The following SOHLH1 variants were observed in gnomAD, a reference collection of about 807,000 sequenced individuals.
SOHLH1 encodes spermatogenesis- and oogenesis-specific basic helix-loop-helix-containing protein 1.
In SOHLH1, 23 loss-of-function variants were observed where a neutral mutation model predicts 36.2. The ratio of observed to expected loss-of-function variants is 0.64; its 90% CI spans 0.46 to 0.90. The LOEUF (loss-of-function observed/expected upper bound fraction) is 0.90, where lower values mean the gene tolerates loss of function less well. SOHLH1 is among the 40% of genes least tolerant of loss of function. SOHLH1 has a pLI of 0.00. For synonymous variants in SOHLH1, 289 were observed against 228.3 expected, an observed-to-expected ratio of 1.27 and a Z score of -2.40; for missense variants, 608 against 517.0, an observed-to-expected ratio of 1.18 and a Z score of -1.71.
chr9:135,696,016 TGA>T (rs1463338096), intron 5 of SOHLH1, among the ~76,000 whole-genome samples: 1 of 151,544 alleles, frequency 6.6e-6, no homozygotes, highest in Non-Finnish European at 1.5e-5. Context: ...CACAGGCGGG[TGA>T]GAGAAGCAGG....
At chr9:135,698,608 TG>T (rs1834905190) in intron 2 of SOHLH1, 132 bp from the exon 3 acceptor site, 1 of 1,337,904 alleles carries the variant, frequency 7.5e-7, no homozygotes, top group Non-Finnish European at 1.1e-6. Flanking sequence ...GACTCAGAGC[TG>T]CCCCCGTGGT....
At chr9:135,699,587 T>C (rs1367512414), upstream of SOHLH1, 10 of 1,075,288 alleles carry the variant, frequency 9.3e-6, no homozygotes, top group Non-Finnish European at 1.4e-5. Context: ...CACCCCCACT[T>C]GCAATCCGCC....
Position 135,699,427 on chromosome 9 carries a change from C to G in SOHLH1, c.41G>C (p.Arg14Thr), listed in dbSNP as rs138777693. 15 of 1,612,252 alleles carry G rather than the reference C, an allele frequency of 9.3e-6. No homozygotes were observed. In the African/African-American group the frequency reaches 1.5e-4, roughly 16 times the overall value. The change falls in exon 1 of 8, where the codon AGA becomes ACA. Residue 14 changes from arginine (R) to threonine (T), a missense_variant. Coordinates refer to ENST00000425225, the MANE Select transcript of SOHLH1 (RefSeq NM_001101677.2). Reference sequence around the variant, plus strand: ...CTTGCATCCCCTGACGGTAGGGATTCTGGAGACCTCCGGGTAGGGCTCGGA... The same window carrying G: ...CTTGCATCCCCTGACGGTAGGGATTGTGGAGACCTCCGGGTAGGGCTCGGA... The part of the protein sequence containing the change: ...RCSEPYPEVS[R>T]IPTVRGCNGS...
intron 3 of SOHLH1, 131 bp from the exon 4 acceptor site, chr9:135,697,758 G>GTTCCAAC: frequency 9.0e-7 from 1 of 1,115,272 alleles, no homozygotes; most frequent in South Asian, 1.3e-5. Flanking sequence ...GAACTTGGGG[G>GTTCCAAC]CGAGAGTACA....
chr9:135,697,244 G>A (rs373626265), intron 4 of SOHLH1, among the ~76,000 whole-genome samples: 2 of 152,308 alleles, frequency 1.3e-5, no homozygotes, highest in South Asian at 2.1e-4. Flanking sequence ...AGGAGCAGAA[G>A]AGATCCTCCC....
At chr9:135,700,859 C>T (rs1588237511), upstream of SOHLH1, among the ~76,000 whole-genome samples, 1 of 152,062 alleles carries the variant, frequency 6.6e-6, no homozygotes, top group Non-Finnish European at 1.5e-5. Context: ...GATGGACGGG[C>T]TGGCGATCTG....
At chr9:135,698,973 C>T (rs761965819) in intron 2 of SOHLH1, 22 bp downstream of exon 2, 6 of 1,611,114 alleles carry the variant, frequency 3.7e-6, no homozygotes, top group South Asian at 1.1e-5. Context: ...CGCCCTCACC[C>T]CTGGGAGGCA....
At chr9:135,698,861 GCA>G in intron 2 of SOHLH1, 132 bp downstream of exon 2, 1 of 1,254,350 alleles carries the variant, frequency 8.0e-7, no homozygotes, top group Admixed American at 1.7e-5. Flanking sequence ...TTGGAGATGT[GCA>G]GTCTGTCCTT....
chr9:135,699,053 C>T lies in SOHLH1; in HGVS notation c.139G>A (p.Val47Met). The T allele has an allele frequency of 6.2e-7, 1 of 1,611,332 alleles. No individual in the cohort carries two copies. Among genetic ancestry groups the T allele is most frequent in the Non-Finnish European group, 8.5e-7 (1 of 1,179,690 alleles). ...AGGCAGGAGCTGGGACCCTCGGCCA[C>T]CGTAGGGGCCTTGGGCGGGCCCGAG... The part of the protein sequence containing the change: ...RGSGPPKAPT[V>M]AEGPSSCLRR... The change falls in exon 2 of 8, where the codon GTG (valine) becomes ATG (methionine). Residue 47 changes from valine (V) to methionine (M), a missense_variant. Physicochemically the swap from Val to Met is conservative, Grantham distance 21 (BLOSUM62 1). Coordinates refer to ENST00000425225, the MANE Select transcript of SOHLH1 (RefSeq NM_001101677.2).
chr9:135,696,656 A>G lies in SOHLH1; in HGVS notation c.617T>C (p.Leu206Pro). The G allele has an allele frequency of 6.2e-7, 1 of 1,612,862 alleles. No individual in the cohort carries two copies. The highest frequency in any genetic ancestry group is 8.5e-7 in the Non-Finnish European group (1 of 1,179,878). Residue 206 changes from leucine (L) to proline (P), a missense_variant, in exon 5 of 8, where the codon CTG becomes CCG. Transcript: ENST00000425225. ...ACCCCGCACCTGGCACAGCCCCAAC[A>G]GTGCCTCACACTTGTCCGTGCCCAG... ...TSLGTDKCEA[L>P]LGLCQVRGGL...
chr9:135,699,201 G>A (rs1834936785), intron 1 of SOHLH1, 75 bp from the exon 2 acceptor site: 5 of 1,545,802 alleles, frequency 3.2e-6, no homozygotes, highest in Non-Finnish European at 4.4e-6. Context: ...TGCCAGAATG[G>A]GCGTCTTTGG....
At chr9:135,694,612 G>A (rs1031532256) in intron 6 of SOHLH1, among the ~76,000 whole-genome samples, 155 bp from the exon 7 acceptor site, 2 of 152,110 alleles carry the variant, frequency 1.3e-5, no homozygotes, top group East Asian at 1.9e-4. Flanking sequence ...GGGGAGAAAT[G>A]CAGAGGCCAC....
At chr9:135,699,173 G>A (rs1343645986) in intron 1 of SOHLH1, 47 bp from the exon 2 acceptor site, 2 of 1,554,672 alleles carry the variant, frequency 1.3e-6, no homozygotes, top group Non-Finnish European at 1.7e-6. Context: ...CCCAGAAAAG[G>A]CCACCAGGAG....
At position 135,699,068 on chromosome 9, in the gene SOHLH1, G is replaced by A; in HGVS notation, c.124C>T (p.Pro42Ser). ...CCCTCGGCCACCGTAGGGGCCTTGG[G>A]CGGGCCCGAGCCCCGGGCCGAGTCC... ...CEDSARGSGPPKAPTVAEGPS... is the reference protein window; with the variant it reads ...CEDSARGSGPSKAPTVAEGPS... Residue 42 changes from proline (P) to serine (S), a missense_variant, in exon 2 of 8, where the codon CCC (proline) becomes TCC (serine). Transcript: ENST00000425225. The A allele has an allele frequency of 2.5e-6, 4 of 1,610,920 alleles. No homozygotes were observed. Among genetic ancestry groups the A allele is most frequent in the South Asian group, 1.1e-5 (1 of 91,002 alleles).
At chr9:135,694,355 G>A (rs763565557) in intron 7 of SOHLH1, 32 bp downstream of exon 7, 2 of 1,611,806 alleles carry the variant, frequency 1.2e-6, no homozygotes, top group Non-Finnish European at 1.7e-6. Context: ...CTTACGCGGG[G>A]GGACCAGCCC....
chr9:135,697,141 C>G (rs941253822), intron 4 of SOHLH1, among the ~76,000 whole-genome samples: 1 of 152,186 alleles, frequency 6.6e-6, no homozygotes, highest in Non-Finnish European at 1.5e-5. Context: ...TGAAAAGAAC[C>G]AAATTATCTT....
Position 135,699,053 on chromosome 9 carries a change from C to A in SOHLH1, c.139G>T (p.Val47Leu). 1 of 1,611,332 alleles carries A rather than the reference C, an allele frequency of 6.2e-7. No homozygotes were observed. Among genetic ancestry groups the A allele is most frequent in the Non-Finnish European group, 8.5e-7 (1 of 1,179,690 alleles). The change falls in exon 2 of 8, where the codon GTG becomes TTG. Residue 47 changes from valine (V) to leucine (L), a missense_variant. Coordinates refer to ENST00000425225, the MANE Select transcript of SOHLH1 (RefSeq NM_001101677.2). ...AGGCAGGAGCTGGGACCCTCGGCCACCGTAGGGGCCTTGGGCGGGCCCGAG... is the reference window on the plus strand; with the variant it reads ...AGGCAGGAGCTGGGACCCTCGGCCAACGTAGGGGCCTTGGGCGGGCCCGAG... Reference protein sequence around the residue: ...RGSGPPKAPTVAEGPSSCLRR... With the variant: ...RGSGPPKAPTLAEGPSSCLRR...
rs1001707144 is a variant in SOHLH1 at position 135,699,411 on chromosome 9, C to T, written c.57G>A (p.Arg19=). The part of the protein sequence containing the change: ...YPEVSRIPTV[R]GCNGSLSGAL... ...CCAGCCCAATTCCTCACTTGCATCCCCTGACGGTAGGGATTCTGGAGACCT... is the reference window on the plus strand; with the variant it reads ...CCAGCCCAATTCCTCACTTGCATCCTCTGACGGTAGGGATTCTGGAGACCT... The change falls in exon 1 of 8, where the codon AGG becomes AGA. Residue 19 remains arginine, a synonymous_variant. Coordinates refer to ENST00000425225, the MANE Select transcript of SOHLH1 (RefSeq NM_001101677.2). 4 of 1,611,890 alleles carry T rather than the reference C, an allele frequency of 2.5e-6. No homozygotes were observed. The highest frequency in any genetic ancestry group is 2.7e-5 in the African/African-American group (2 of 74,922).
chr9:135,698,546 G>A (rs1433329304), intron 2 of SOHLH1, 70 bp from the exon 3 acceptor site: 2 of 1,605,578 alleles, frequency 1.2e-6, no homozygotes, highest in African/African-American at 1.3e-5. Flanking sequence ...GCAACTGCTA[G>A]AACCTGCCAG....
Sources: allele counts gnomAD v4.1 joint callset (sites outside exome capture counted in the v4.1 genomes callset), GRCh38; gene constraint gnomAD v4.1.1; transcripts MANE v1.5; gene names NCBI Gene and HGNC (gene_info 2026-07-23, HGNC 2026-07-21).